PLEKHM3: variants seen among roughly 807,000 people sequenced by gnomAD.
PLEKHM3 encodes pleckstrin homology domain-containing family M member 3.
Under a neutral mutation model 81.8 loss-of-function variants are expected in PLEKHM3, and 45 were observed. The observed-to-expected ratio is 0.55, with a 90% CI of 0.43 to 0.71. The LOEUF is 0.71. Ranked by LOEUF, PLEKHM3 falls within the 30% of genes least tolerant of loss-of-function variation. PLEKHM3 has a pLI of 0.00. For missense variants in PLEKHM3, 788 were observed against 924.3 expected (o/e 0.85, Z 1.91); for synonymous variants, 352 against 356.4 (o/e 0.99, Z 0.14).
At chr2:207,840,359 T>TA (rs200598242) in intron 7 of PLEKHM3, among the ~76,000 whole-genome samples, 98 of 151,930 alleles carry the variant, frequency 6.5e-4, no homozygotes, top group African/African-American at 2.2e-3. Context: ...ACTGGCTAAT[T>TA]AAAAAAACCA....
At chr2:207,846,024 G>C (rs2092379917) in intron 7 of PLEKHM3, among the ~76,000 whole-genome samples, 1 of 152,216 alleles carries the variant, frequency 6.6e-6, no homozygotes, top group Non-Finnish European at 1.5e-5. Flanking sequence ...GTCAATAAAA[G>C]CTTAAAACAG....
At chr2:207,895,402 T>C (rs1385635314) in intron 6 of PLEKHM3, among the ~76,000 whole-genome samples, 9 of 152,296 alleles carry the variant, frequency 5.9e-5, no homozygotes, top group South Asian at 4.1e-4. Context: ...GAAACTCAAA[T>C]CCGTAGTTTT....
At chr2:207,975,582 C>CTTTTTTT (rs11350409) in intron 3 of PLEKHM3, among the ~76,000 whole-genome samples, 4 of 63,008 alleles carry the variant, frequency 6.3e-5, no homozygotes, top group Non-Finnish European at 1.1e-4. Context: ...GTTTTAAAAG[C>CTTTTTTT]TTTTTTTTTT....
chr2:207,944,807 A>T (rs1192702205), intron 4 of PLEKHM3, among the ~76,000 whole-genome samples: 1 of 152,182 alleles, frequency 6.6e-6, no homozygotes, highest in East Asian at 1.9e-4. Context: ...ATTCAACCAT[A>T]TCATTCTAGC....
chr2:207,999,582 G>A (rs1308241376), intron 2 of PLEKHM3, among the ~76,000 whole-genome samples: 1 of 152,100 alleles, frequency 6.6e-6, no homozygotes, highest in Non-Finnish European at 1.5e-5. Flanking sequence ...TCCAGCCTGG[G>A]AGACAACAAG....
intron 7 of PLEKHM3, among the ~76,000 whole-genome samples, chr2:207,838,046 A>G (rs2092330578): frequency 6.6e-6 from 1 of 152,044 alleles, no homozygotes; most frequent in African/African-American, 2.4e-5. Flanking sequence ...TGCTGGGATT[A>G]CAGGCGTGAG....
chr2:207,955,946 A>C, intron 3 of PLEKHM3, among the ~76,000 whole-genome samples: 1 of 152,204 alleles, frequency 6.6e-6, no homozygotes, highest in East Asian at 1.9e-4. Context: ...GGAGGAAGCA[A>C]TCACTATTGT....
Position 207,930,923 on chromosome 2 carries a change from T to TA in PLEKHM3, c.1886+2dup, listed in dbSNP as rs1278766662. The TA allele has an allele frequency of 6.2e-7, 1 of 1,612,510 alleles. No individual in the cohort carries two copies. The highest frequency in any genetic ancestry group is 1.1e-5 in the South Asian group (1 of 91,016). On this transcript the variant is annotated splice_region_variant and intron_variant, in intron 5 of 7. Coordinates refer to ENST00000427836, the MANE Select transcript of PLEKHM3 (RefSeq NM_001080475.3). ...GGAGCCGTCTGAGATTTATGACTCTTACCTGCGGCGGAGATCCTCTGCCAC... is the reference window on the plus strand; with the variant it reads ...GGAGCCGTCTGAGATTTATGACTCTTAACCTGCGGCGGAGATCCTCTGCCAC...
chr2:207,822,616 G>A lies in PLEKHM3; in HGVS notation c.*5703C>T, dbSNP rs1023890108. The stretch of plus-strand genomic sequence containing the variant: ...GTTTGTACCATTCTACTTTAACGAC[G>A]TGTTTCCGACATGATTCCCTTTACT... On this transcript the variant is annotated 3_prime_UTR_variant, in exon 8 of 8. Transcript: ENST00000427836. 1 of 152,724 alleles carries A rather than the reference G, an allele frequency of 6.5e-6. No homozygotes were observed. Among genetic ancestry groups the A allele is most frequent in the African/African-American group, 2.4e-5 (1 of 41,454 alleles). 9.5% of individuals were successfully genotyped at this position (152,724 alleles called of 1,614,324 possible).
chr2:208,018,333 A>G (rs1334348251), intron 1 of PLEKHM3, among the ~76,000 whole-genome samples: 1 of 148,106 alleles, frequency 6.8e-6, no homozygotes, highest in Non-Finnish European at 1.5e-5. Context: ...AGATCATGCC[A>G]CTGAACTCTG....
chr2:207,945,312 A>G (rs1001316740), intron 4 of PLEKHM3, among the ~76,000 whole-genome samples: 1 of 151,962 alleles, frequency 6.6e-6, no homozygotes, highest in African/African-American at 2.4e-5. Context: ...TTTCTCCTCT[A>G]TTGACCTGCA....
intron 7 of PLEKHM3, among the ~76,000 whole-genome samples, chr2:207,834,494 C>T (rs1407522609): frequency 2.7e-5 from 4 of 148,482 alleles, no homozygotes; most frequent in East Asian, 2.0e-4. Context: ...GGCGCAATCT[C>T]GGCTCACCGC....
intron 6 of PLEKHM3, among the ~76,000 whole-genome samples, chr2:207,881,827 G>A (rs1259414460): frequency 6.6e-6 from 1 of 152,034 alleles, no homozygotes; most frequent in Non-Finnish European, 1.5e-5. Flanking sequence ...TGGGCCTAGT[G>A]AGGGAGGGAA....
chr2:207,981,127 C>CAA (rs553157217), intron 2 of PLEKHM3, among the ~76,000 whole-genome samples: 19 of 73,512 alleles, frequency 2.6e-4, no homozygotes, highest in Non-Finnish European at 4.9e-4. Context: ...GACTCCATCT[C>CAA]AAAAAAAAAA....
chr2:207,878,692 AT>A (rs2092571373), intron 6 of PLEKHM3, among the ~76,000 whole-genome samples: 3 of 152,172 alleles, frequency 2.0e-5, no homozygotes, highest in Admixed American at 2.0e-4. Context: ...TTCATAGGGG[AT>A]AAAACTGAGG....
At chr2:208,023,752 G>A (rs1230016886) in intron 1 of PLEKHM3, among the ~76,000 whole-genome samples, 3 of 152,010 alleles carry the variant, frequency 2.0e-5, no homozygotes, top group Non-Finnish European at 4.4e-5. Context: ...CCGGTCCCTG[G>A]TGCCAAAAAC....
chr2:207,840,153 C>T (rs1274685417), intron 7 of PLEKHM3, among the ~76,000 whole-genome samples: 1 of 152,146 alleles, frequency 6.6e-6, no homozygotes, highest in African/African-American at 2.4e-5. Context: ...ATGGACTTTG[C>T]AAAACGAAAA....
intron 6 of PLEKHM3, among the ~76,000 whole-genome samples, chr2:207,885,095 A>C (rs1687847334): frequency 6.6e-6 from 1 of 152,222 alleles, no homozygotes; most frequent in Non-Finnish European, 1.5e-5. Flanking sequence ...TAGTAAAATA[A>C]AAGCTCCACA....
chr2:208,001,570 C>G lies in PLEKHM3; in HGVS notation c.70G>C (p.Asp24His). 1.2e-6 allele frequency: 2 copies of G among 1,614,172 alleles called. No homozygotes were observed. Among genetic ancestry groups the G allele is most frequent in the South Asian group, 2.2e-5 (2 of 91,076 alleles). Residue 24 changes from aspartate (D) to histidine (H), a missense_variant, in exon 2 of 8, where the codon GAT becomes CAT. Asp to His is a moderately conservative substitution (Grantham distance 81). Coordinates refer to ENST00000427836, the MANE Select transcript of PLEKHM3 (RefSeq NM_001080475.3). The stretch of plus-strand genomic sequence containing the variant: ...TGCACAGCCTTTTCTAGATTACTAT[C>G]CAAAGTACTAAAGAATTCCTCCGTA... ...EVTEEFFSTL[D>H]SNLEKAVQQA...
Sources: gnomAD v4.1 joint callset for allele counts (sites outside exome capture counted in the v4.1 genomes callset) on GRCh38, gnomAD v4.1.1 for gene constraint, MANE v1.5 for transcripts, NCBI Gene and HGNC (gene_info 2026-07-23, HGNC 2026-07-21) for gene names.